Variants in FAF1 observed in about 807,000 individuals in gnomAD.
The protein encoded by FAF1 is FAS-associated factor 1.
Under a neutral mutation model 92.5 loss-of-function variants are expected in FAF1, and 25 were observed. The ratio of observed to expected loss-of-function variants is 0.27; its 90% CI spans 0.20 to 0.38. The LOEUF is 0.38. Among genes scored for constraint, FAF1 ranks in the 10% least tolerant of loss-of-function variants. The pLI is 1.00. For synonymous variants in FAF1, 234 were observed against 273.2 expected (o/e 0.86, Z 1.42); for missense variants, 636 against 793.3 (o/e 0.80, Z 2.38).
At chr1:50,878,378 AGT>A (rs1644586943) in intron 1 of FAF1, among the ~76,000 whole-genome samples, 1 of 152,230 alleles carries the variant, frequency 6.6e-6, no homozygotes, top group Non-Finnish European at 1.5e-5. Flanking sequence ...CAAAGAAACC[AGT>A]AAGAGGCTAG....
intron 8 of FAF1, among the ~76,000 whole-genome samples, chr1:50,641,410 T>C (rs532631253): frequency 2.6e-5 from 4 of 152,318 alleles, no homozygotes; most frequent in Admixed American, 2.0e-4. Flanking sequence ...GTTTAAAATG[T>C]TACCAATCTT....
intron 8 of FAF1, among the ~76,000 whole-genome samples, chr1:50,646,771 AC>A: frequency 6.6e-6 from 1 of 152,204 alleles, no homozygotes; most frequent in Non-Finnish European, 1.5e-5. Context: ...TATCATTGCA[AC>A]TTTAAGGGCC....
At position 50,741,156 on chromosome 1, in the gene FAF1, G is replaced by T. The variant is rs998682109; in HGVS notation, c.460-2202C>A. Among the ~76,000 whole-genome samples, 8 of 152,182 alleles carry T rather than the reference G, an allele frequency of 5.3e-5. No homozygotes were observed. In the South Asian group the frequency reaches 1.4e-3, roughly 28 times the overall value. On this transcript the variant is annotated intron_variant, in intron 5 of 18. Coordinates refer to ENST00000396153, the MANE Select transcript of FAF1 (RefSeq NM_007051.3). The stretch of plus-strand genomic sequence containing the variant: ...GGTGTGATGGAGAATGCTGGGATGG[G>T]ACCAAATTAGATACAGAAGCCTGTT...
chr1:50,922,818 C>CA (rs754253837), intron 1 of FAF1, among the ~76,000 whole-genome samples: 1,227 of 56,802 alleles, frequency 0.022, 18 homozygotes, highest in Middle Eastern at 0.047. Flanking sequence ...GAATCCACCA[C>CA]AAAAAAAAAA....
chr1:50,442,632 G>A (rs1201233437), intron 18 of FAF1, among the ~76,000 whole-genome samples: 1 of 152,136 alleles, frequency 6.6e-6, no homozygotes, highest in Admixed American at 6.5e-5. Context: ...CCTGACTGCA[G>A]CACCTGAGGC....
chr1:50,697,867 C>A (rs1405602470), intron 7 of FAF1, among the ~76,000 whole-genome samples: 1 of 151,930 alleles, frequency 6.6e-6, no homozygotes, highest in Admixed American at 6.6e-5. Context: ...TATTGAGCAG[C>A]AGGATTTTTT....
intron 8 of FAF1, among the ~76,000 whole-genome samples, chr1:50,650,446 C>G (rs112045565): frequency 0.066 from 10,037 of 151,614 alleles, 412 homozygotes; most frequent in East Asian, 0.092. Context: ...ACAGCGAAAC[C>G]CTGTCTCTAC....
Position 50,439,255 on chromosome 1 carries a change from T to A in FAF1, c.*2185A>T, listed in dbSNP as rs995127417. 1.3e-5 allele frequency: 2 copies of A among 152,234 alleles called. No individual in the cohort carries two copies. Among genetic ancestry groups the A allele is most frequent in the Admixed American group, 6.5e-5 (1 of 15,288 alleles). 9.4% of individuals were successfully genotyped at this position (152,234 alleles called of 1,614,324 possible). ...AAGTCATTTTAATGCTCTGCTTGTA[T>A]GAAAAGGATAAAATTGCTTTGGCCT... On this transcript the variant is annotated 3_prime_UTR_variant, in exon 19 of 19. Transcript: ENST00000396153.
At chr1:50,938,226 A>G (rs767411166) in intron 1 of FAF1, among the ~76,000 whole-genome samples, 63 of 152,206 alleles carry the variant, frequency 4.1e-4, no homozygotes, top group South Asian at 1.0e-3. Context: ...AGGACTCTAC[A>G]GTTTCACACA....
chr1:50,792,863 G>A (rs1158122579), intron 3 of FAF1, among the ~76,000 whole-genome samples: 1 of 152,154 alleles, frequency 6.6e-6, no homozygotes, highest in African/African-American at 2.4e-5. Context: ...ATTTGACAGA[G>A]AAAAGGTAAG....
intron 1 of FAF1, among the ~76,000 whole-genome samples, chr1:50,863,672 G>A (rs1394899468): frequency 6.6e-6 from 1 of 151,752 alleles, no homozygotes. Flanking sequence ...TCTTTTTTTG[G>A]TTGTGTCTCT....
At chr1:50,621,531 C>G (rs1253159015) in intron 8 of FAF1, among the ~76,000 whole-genome samples, 1 of 151,124 alleles carries the variant, frequency 6.6e-6, no homozygotes, top group Non-Finnish European at 1.5e-5. Flanking sequence ...TCCCAAATAC[C>G]TGGGACTACA....
chr1:50,874,927 G>A (rs965553987), intron 1 of FAF1, among the ~76,000 whole-genome samples: 4 of 151,302 alleles, frequency 2.6e-5, no homozygotes, highest in South Asian at 2.1e-4. Flanking sequence ...GGACCACCAT[G>A]CCCAGCTAAT....
intron 15 of FAF1, among the ~76,000 whole-genome samples, chr1:50,522,084 G>A (rs556313480): frequency 3.4e-4 from 52 of 152,294 alleles, no homozygotes; most frequent in African/African-American, 1.3e-3. Context: ...ATTATTCCAT[G>A]CACAAAAGTA....
intron 13 of FAF1, among the ~76,000 whole-genome samples, chr1:50,563,525 GTGGCCCAAAAGAC>G (rs1335212241): frequency 6.6e-6 from 1 of 151,968 alleles, no homozygotes; most frequent in Non-Finnish European, 1.5e-5. Flanking sequence ...ACTAGATAAG[GTGGCCCAAAAGAC>G]TGTACAATAT....
intron 14 of FAF1, 21 bp from the exon 15 acceptor site, chr1:50,535,478 C>A (rs1408464821): frequency 1.4e-6 from 2 of 1,424,084 alleles, no homozygotes; most frequent in Admixed American, 1.7e-5. Context: ...ATAGAGATTG[C>A]CAAACTTTTA....
rs756483294 is a variant in FAF1 at position 50,465,195 on chromosome 1, T to G, written c.1869+10269A>C. Reference sequence around the variant, plus strand: ...AAAACACTTAATTTGCAGTTTCAGTTTTGAAGCTATAAAATGGAGATAATA... The same window carrying G: ...AAAACACTTAATTTGCAGTTTCAGTGTTGAAGCTATAAAATGGAGATAATA... On this transcript the variant is annotated intron_variant, in intron 18 of 18. Coordinates refer to ENST00000396153, the MANE Select transcript of FAF1 (RefSeq NM_007051.3). Among the ~76,000 whole-genome samples the G allele has an allele frequency of 1.7e-4, 26 of 152,188 alleles. 1 individual carries two copies. Among genetic ancestry groups the G allele is most frequent in the Non-Finnish European group, 2.8e-4 (19 of 68,028 alleles).
intron 8 of FAF1, among the ~76,000 whole-genome samples, chr1:50,637,681 A>ATG (rs142201244): frequency 0.11 from 14,384 of 136,984 alleles, 733 homozygotes; most frequent in Non-Finnish European, 0.12. Context: ...ACATATATAT[A>ATG]TGTGTGTGTG....
chr1:50,675,886 G>A (rs1273512863), intron 7 of FAF1, among the ~76,000 whole-genome samples: 1 of 152,192 alleles, frequency 6.6e-6, no homozygotes, highest in Non-Finnish European at 1.5e-5. Flanking sequence ...CATTTATTGA[G>A]TAGCAGAGGC....
Sources: gnomAD v4.1 joint callset for allele counts (sites outside exome capture counted in the v4.1 genomes callset) on GRCh38, gnomAD v4.1.1 for gene constraint, MANE v1.5 for transcripts, NCBI Gene and HGNC (gene_info 2026-07-23, HGNC 2026-07-21) for gene names.